WDFY3: variants seen among roughly 807,000 people sequenced by gnomAD.
The protein encoded by WDFY3 is WD repeat and FYVE domain-containing protein 3.
A neutral mutation model predicts 409.6 loss-of-function variants in WDFY3; 66 were observed. The observed-to-expected ratio is 0.16, with a 90% CI of 0.13 to 0.20. The LOEUF is 0.20. Among genes scored for constraint, WDFY3 ranks in the 10% least tolerant of loss-of-function variants. WDFY3 has a pLI of 1.00. For synonymous variants in WDFY3, 1,521 were observed against 1,537.1 expected (o/e 0.99, Z 0.25); for missense variants, 3,031 against 4,298.1 (o/e 0.71, Z 8.24).
intron 12 of WDFY3, among the ~76,000 whole-genome samples, chr4:84,818,919 G>A (rs748475704): frequency 4.6e-5 from 7 of 152,046 alleles, no homozygotes; most frequent in Non-Finnish European, 7.4e-5. Context: ...CTTCTAGGTC[G>A]TCTCAAGGAA....
intron 25 of WDFY3, among the ~76,000 whole-genome samples, chr4:84,782,446 T>G (rs1300402279): frequency 6.6e-6 from 1 of 152,166 alleles, no homozygotes; most frequent in African/African-American, 2.4e-5. Context: ...GGTAAACATG[T>G]GCCATGGTGG....
intron 12 of WDFY3, among the ~76,000 whole-genome samples, chr4:84,819,538 C>T (rs1292464595): frequency 6.6e-6 from 1 of 151,892 alleles, no homozygotes; most frequent in Non-Finnish European, 1.5e-5. Flanking sequence ...TTTTAAAAAG[C>T]AAGAGTGATA....
chr4:84,862,503 G>A (rs1019516531), intron 3 of WDFY3, among the ~76,000 whole-genome samples: 22 of 152,210 alleles, frequency 1.4e-4, no homozygotes, highest in African/African-American at 5.3e-4. Context: ...CTATGTGCTG[G>A]TATTTACAGT....
At chr4:84,730,796 T>C (rs958425056) in intron 44 of WDFY3, among the ~76,000 whole-genome samples, 9 of 151,478 alleles carry the variant, frequency 5.9e-5, no homozygotes, top group African/African-American at 1.9e-4. Flanking sequence ...AAAAAAAATC[T>C]CTCTCTCTGT....
chr4:84,809,329 C>A, intron 14 of WDFY3: 1 of 150,384 alleles, frequency 6.6e-6, no homozygotes, highest in Non-Finnish European at 1.5e-5. Context: ...TCCTCAATGC[C>A]TAGCACAGTG....
intron 45 of WDFY3, among the ~76,000 whole-genome samples, chr4:84,726,158 T>C (rs951355754): frequency 4.6e-5 from 7 of 152,052 alleles, no homozygotes; most frequent in African/African-American, 1.7e-4. Flanking sequence ...GATAAAAGCA[T>C]AGTTAGTGAT....
At chr4:84,692,751 A>G (rs1729467380) in intron 59 of WDFY3, 134 bp downstream of exon 59, 1 of 800,270 alleles carries the variant, frequency 1.2e-6, no homozygotes, top group Admixed American at 3.5e-5. Flanking sequence ...GGTATTTAGT[A>G]ATCTAACACA....
chr4:84,841,363 T>A, intron 5 of WDFY3, 100 bp from the exon 6 acceptor site: 1 of 932,716 alleles, frequency 1.1e-6, no homozygotes, highest in Non-Finnish European at 1.6e-6. Context: ...ACTAAGCACA[T>A]AATTATATCA....
chr4:84,724,580 A>G lies in WDFY3; in HGVS notation c.7287T>C (p.Tyr2429=), dbSNP rs2149105098. 3 of 1,609,294 alleles carry G rather than the reference A, an allele frequency of 1.9e-6. No individual in the cohort carries two copies. The highest frequency in any genetic ancestry group is 2.5e-6 in the Non-Finnish European group (3 of 1,178,738). The stretch of plus-strand genomic sequence containing the variant: ...TACTGTCATAACTTACGGCTCTTCT[A>G]TATCGAGCAGGTTTCTAAGAAATGA... ...DDIPQKKPAR[Y]RRAVSYDSKE... Residue 2429 remains tyrosine, a synonymous_variant, in exon 46 of 68, where the codon TAT becomes TAC. Coordinates refer to ENST00000295888, the MANE Select transcript of WDFY3 (RefSeq NM_014991.6).
chr4:84,761,197 A>G (rs1452220603), intron 32 of WDFY3, among the ~76,000 whole-genome samples: 8 of 152,036 alleles, frequency 5.3e-5, no homozygotes, highest in Non-Finnish European at 8.8e-5. Context: ...CTGTTCTTTT[A>G]CATTTGCTGA....
Position 84,801,657 on chromosome 4 carries a change from C to A in WDFY3, c.2815G>T (p.Val939Leu), listed in dbSNP as rs1442756189. ...RLASQALEPMVLREFLRLASP... is the reference protein window; with the variant it reads ...RLASQALEPMLLREFLRLASP... ...GTATGAAAGAGAACTTACCTCAACA[C>A]CATGGGTTCCAGAGCCTGAGAGGCT... is the stretch of plus-strand genomic sequence containing the variant. Residue 939 changes from valine (V) to leucine (L), a missense_variant, in exon 17 of 68, where the codon GTG becomes TTG. By Grantham distance (32) the Val-to-Leu change is conservative. Coordinates refer to ENST00000295888, the MANE Select transcript of WDFY3 (RefSeq NM_014991.6). The A allele has an allele frequency of 1.2e-6, 2 of 1,609,280 alleles. No homozygotes were observed. Among genetic ancestry groups the A allele is most frequent in the African/African-American group, 2.7e-5 (2 of 74,840 alleles).
chr4:84,933,501 G>T (rs1771027811), intron 1 of WDFY3, among the ~76,000 whole-genome samples: 1 of 151,928 alleles, frequency 6.6e-6, no homozygotes, highest in African/African-American at 2.4e-5. Flanking sequence ...GGTAAATGGG[G>T]TGTCCATCAT....
At position 84,749,990 on chromosome 4, in the gene WDFY3, A is replaced by C. The variant is rs1194505605; in HGVS notation, c.5973+1493T>G. 2.0e-5 allele frequency among the ~76,000 whole-genome samples: 3 copies of C among 152,350 alleles called. No homozygotes were observed. The East Asian group carries it at 5.8e-4, about 29-fold the overall frequency. The stretch of plus-strand genomic sequence containing the variant: ...TTTAAATATGGGTAATTAATTAGCT[A>C]TTCAGGTACCAGAAGCTTGAAAATG... On this transcript the variant is annotated intron_variant, in intron 36 of 67. Transcript: ENST00000295888.
At chr4:84,901,640 G>A (rs1284146280) in intron 2 of WDFY3, among the ~76,000 whole-genome samples, 1 of 152,132 alleles carries the variant, frequency 6.6e-6, no homozygotes, top group Admixed American at 6.6e-5. Context: ...TATTGGAGGG[G>A]ACAATATTTA....
chr4:84,940,726 A>C (rs1772003050), intron 1 of WDFY3, among the ~76,000 whole-genome samples: 1 of 152,084 alleles, frequency 6.6e-6, no homozygotes, highest in Non-Finnish European at 1.5e-5. Flanking sequence ...AAGAGAAAAA[A>C]AGACTAGAAA....
chr4:84,794,388 T>C, intron 21 of WDFY3, 131 bp downstream of exon 21: 1 of 936,312 alleles, frequency 1.1e-6, no homozygotes, highest in East Asian at 2.7e-5. Context: ...ATTCAATGTT[T>C]TATGTAACTT....
chr4:84,758,053 A>C (rs2149337197), intron 32 of WDFY3, among the ~76,000 whole-genome samples: 1 of 152,186 alleles, frequency 6.6e-6, no homozygotes, highest in Non-Finnish European at 1.5e-5. Context: ...TGTTTCCATC[A>C]ATCTTGTTTC....
chr4:84,906,178 A>G (rs1186545664), intron 2 of WDFY3, among the ~76,000 whole-genome samples: 1 of 152,186 alleles, frequency 6.6e-6, no homozygotes, highest in African/African-American at 2.4e-5. Flanking sequence ...GACTAAAAGG[A>G]CTTTAATTTC....
At chr4:84,923,382 G>GC (rs966415889) in intron 2 of WDFY3, among the ~76,000 whole-genome samples, 2 of 152,070 alleles carry the variant, frequency 1.3e-5, no homozygotes, top group Non-Finnish European at 2.9e-5. Flanking sequence ...CCTAGCCCAA[G>GC]CCCCCCCACC....
Sources: gnomAD v4.1 joint callset for allele counts (sites outside exome capture counted in the v4.1 genomes callset) on GRCh38, gnomAD v4.1.1 for gene constraint, MANE v1.5 for transcripts, NCBI Gene and HGNC (gene_info 2026-07-23, HGNC 2026-07-21) for gene names.